PLA2G2F: variants seen among roughly 807,000 people sequenced by gnomAD.
PLA2G2F encodes phospholipase A2 group IIF.
Under a neutral mutation model 15.9 loss-of-function variants are expected in PLA2G2F, and 17 were observed. The ratio of observed to expected loss-of-function variants is 1.07; its 90% CI spans 0.73 to 1.60. PLA2G2F has a LOEUF of 1.60. Ranked by LOEUF, PLA2G2F falls within the 40% of genes most tolerant of loss-of-function variation. The pLI, the probability that PLA2G2F is intolerant of heterozygous loss-of-function variation, is 0.00. For missense variants in PLA2G2F, 299 were observed against 278.2 expected (o/e 1.07, Z -0.53); for synonymous variants, 119 against 106.5 (o/e 1.12, Z -0.72).
In PLA2G2F at chr1:20,148,443, C is replaced by A; in HGVS notation, c.*42C>A. On this transcript the variant is annotated 3_prime_UTR_variant, in exon 5 of 5. Coordinates refer to ENST00000375102, the MANE Select transcript of PLA2G2F (RefSeq NM_022819.4). ...GAGAGAGAGCGGGAGGAGGGTCTGG[C>A]TTGGGGACCAGACGAGGTGCAGGGA... 1 of 1,535,786 alleles carries A rather than the reference C, an allele frequency of 6.5e-7. No individual in the cohort carries two copies. Among genetic ancestry groups the A allele is most frequent in the Non-Finnish European group, 9.0e-7 (1 of 1,113,140 alleles).
chr1:20,145,398 C>T (rs1404270822), intron 4 of PLA2G2F, among the ~76,000 whole-genome samples: 1 of 151,536 alleles, frequency 6.6e-6, no homozygotes, highest in Non-Finnish European at 1.5e-5. Flanking sequence ...TCTCCTGCTT[C>T]AGCCTCCCAA....
chr1:20,139,585 G>T, intron 1 of PLA2G2F, 42 bp downstream of exon 1: 1 of 1,389,920 alleles, frequency 7.2e-7, no homozygotes, highest in Non-Finnish European at 9.7e-7. Context: ...CCAGGGAGGG[G>T]CAGGGACAGG....
intron 4 of PLA2G2F, among the ~76,000 whole-genome samples, chr1:20,145,197 T>C (rs1177535329): frequency 2.0e-5 from 3 of 152,196 alleles, no homozygotes; most frequent in Non-Finnish European, 4.4e-5. Context: ...ATGGGACATA[T>C]TGATACTCAA....
chr1:20,140,371 C>A, intron 2 of PLA2G2F, 153 bp downstream of exon 2: 1 of 778,392 alleles, frequency 1.3e-6, no homozygotes, highest in Non-Finnish European at 2.0e-6. Flanking sequence ...AGGCTGCACC[C>A]AATTCTGGGG....
In PLA2G2F at chr1:20,143,594, G is replaced by T; in HGVS notation, c.314+4G>T. On this transcript the variant is annotated splice_donor_region_variant and intron_variant, in intron 3 of 4. Coordinates refer to ENST00000375102, the MANE Select transcript of PLA2G2F (RefSeq NM_022819.4). Reference sequence around the variant, plus strand: ...AGCCCAAGGATGAGGTGGACTGGTAGGTACCAGAGGCCTGGGCTCCTGTCA... The same window carrying T: ...AGCCCAAGGATGAGGTGGACTGGTATGTACCAGAGGCCTGGGCTCCTGTCA... The T allele has an allele frequency of 6.2e-7, 1 of 1,613,250 alleles. No individual in the cohort carries two copies. The highest frequency in any genetic ancestry group is 8.5e-7 in the Non-Finnish European group (1 of 1,179,404).
chr1:20,140,317 G>A (rs2017433103), intron 2 of PLA2G2F, 99 bp downstream of exon 2: 1 of 1,310,990 alleles, frequency 7.6e-7, no homozygotes, highest in Non-Finnish European at 1.1e-6. Context: ...ACCAGCCTAG[G>A]TTCCTTCCTG....
intron 2 of PLA2G2F, chr1:20,142,309 C>G (rs1164144413): frequency 6.6e-6 from 1 of 152,342 alleles, no homozygotes; most frequent in Non-Finnish European, 1.5e-5. Context: ...GCAGTCTGGG[C>G]TCTGCCCCCT....
rs374879474 is a variant in PLA2G2F, at chr1:20,144,570, C to T, written c.315-10C>T. The T allele has an allele frequency of 1.1e-5, 17 of 1,600,866 alleles. No homozygotes were observed. Among genetic ancestry groups the T allele is most frequent in the Non-Finnish European group, 1.1e-5 (13 of 1,172,342 alleles). On this transcript the variant is annotated splice_polypyrimidine_tract_variant and intron_variant, in intron 3 of 4. Transcript: ENST00000375102. Reference sequence around the variant, plus strand: ...GCCATGCCTGTCCACTCACCTCTGCCGCTCCCTAGGTGCTGCCACGCCCAC... The same window carrying T: ...GCCATGCCTGTCCACTCACCTCTGCTGCTCCCTAGGTGCTGCCACGCCCAC...
intron 3 of PLA2G2F, 116 bp from the exon 4 acceptor site, chr1:20,144,464 G>A (rs2017543294): frequency 1.3e-6 from 1 of 744,434 alleles, no homozygotes; most frequent in East Asian, 2.7e-5. Flanking sequence ...TCCCTCTCTG[G>A]GCTTCAGTTC....
Position 20,144,568 on chromosome 1 carries a change from G to A in PLA2G2F, c.315-12G>A. The A allele has an allele frequency of 6.3e-7, 1 of 1,599,530 alleles. No homozygotes were observed. The highest frequency in any genetic ancestry group is 8.5e-7 in the Non-Finnish European group (1 of 1,171,574). On this transcript the variant is annotated splice_polypyrimidine_tract_variant and intron_variant, in intron 3 of 4. Transcript: ENST00000375102. Reference sequence around the variant, plus strand: ...CAGCCATGCCTGTCCACTCACCTCTGCCGCTCCCTAGGTGCTGCCACGCCC... The same window carrying A: ...CAGCCATGCCTGTCCACTCACCTCTACCGCTCCCTAGGTGCTGCCACGCCC...
intron 1 of PLA2G2F, 68 bp from the exon 2 acceptor site, chr1:20,140,098 A>G: frequency 6.6e-7 from 1 of 1,526,340 alleles, no homozygotes; most frequent in African/African-American, 1.4e-5. Flanking sequence ...TCAGGAAGGG[A>G]GCAGCAGGTC....
intron 2 of PLA2G2F, chr1:20,140,613 T>G (rs2017438563): frequency 5.1e-6 from 1 of 194,696 alleles, no homozygotes; most frequent in African/African-American, 2.3e-5. Flanking sequence ...GTGTGCAACA[T>G]GCATCCATAA....
Position 20,144,613 on chromosome 1 carries a change from A to T in PLA2G2F, c.348A>T (p.Glu116Asp), listed in dbSNP as rs964712087. Reference protein sequence around the residue: ...CCHAHDCCYQELFDQGCHPYV... With the variant: ...CCHAHDCCYQDLFDQGCHPYV... ...ACGCCCACGACTGCTGCTACCAGGA[A>T]CTCTTTGACCAAGGCTGTCACCCCT... is the stretch of plus-strand genomic sequence containing the variant. The change falls in exon 4 of 5, where the codon GAA becomes GAT. Residue 116 changes from glutamate (E) to aspartate (D), a missense_variant. By Grantham distance (45) the Glu-to-Asp change is conservative. Coordinates refer to ENST00000375102, the MANE Select transcript of PLA2G2F (RefSeq NM_022819.4). 9.3e-6 allele frequency: 15 copies of T among 1,612,040 alleles called. No individual in the cohort carries two copies. The highest frequency in any genetic ancestry group is 1.3e-5 in the Non-Finnish European group (15 of 1,179,272).
rs368567704 is a variant in PLA2G2F, at chr1:20,144,691, T to C, written c.424+2T>C. 134 of 1,593,464 alleles carry C rather than the reference T, an allele frequency of 8.4e-5. No homozygotes were observed. In the East Asian group the frequency reaches 9.4e-4, roughly 11 times the overall value. On this transcript the variant is annotated splice_donor_variant, in intron 4 of 4. Coordinates refer to ENST00000375102, the MANE Select transcript of PLA2G2F (RefSeq NM_022819.4). LOFTEE classifies it high-confidence loss of function. ...AGAACAACACTGAGATAGTCTGCAGTGAGTCCCTCCCCTGTCACCTGGGCC... is the reference window on the plus strand; with the variant it reads ...AGAACAACACTGAGATAGTCTGCAGCGAGTCCCTCCCCTGTCACCTGGGCC...
chr1:20,143,245 A>T lies in PLA2G2F; in HGVS notation c.170-201A>T, dbSNP rs566041960. ...GGCCGCAGGGATGTGGGTGCACACCATACATGGTACCTTGCAGATTTCTTT... is the reference window on the plus strand; with the variant it reads ...GGCCGCAGGGATGTGGGTGCACACCTTACATGGTACCTTGCAGATTTCTTT... On this transcript the variant is annotated intron_variant, in intron 2 of 4. Transcript: ENST00000375102. 84 of 611,934 alleles carry T rather than the reference A, an allele frequency of 1.4e-4. No individual in the cohort carries two copies. In the African/African-American group the frequency reaches 1.4e-3, roughly 10 times the overall value. 37.9% of individuals were successfully genotyped at this position (611,934 alleles called of 1,614,324 possible).
intron 2 of PLA2G2F, 134 bp downstream of exon 2, chr1:20,140,352 C>T (rs2017433894): frequency 1.1e-6 from 1 of 941,324 alleles, no homozygotes; most frequent in East Asian, 2.7e-5. Context: ...CTTCTTGTCT[C>T]AGCCCAGCAG....
In PLA2G2F at chr1:20,146,564, C is replaced by A. The variant is rs1299037654; in HGVS notation, c.425-1626C>A. On this transcript the variant is annotated intron_variant, in intron 4 of 4. Coordinates refer to ENST00000375102, the MANE Select transcript of PLA2G2F (RefSeq NM_022819.4). ...TGCTCCTCTCTGGGAGAGGACTCCC[C>A]CTGGCCCAGCCTGTGGGCAACCACT... 2.6e-5 allele frequency among the ~76,000 whole-genome samples: 4 copies of A among 152,204 alleles called. No homozygotes were observed. In the East Asian group the frequency reaches 5.8e-4, roughly 22 times the overall value.
chr1:20,143,718 C>A, intron 3 of PLA2G2F, 128 bp downstream of exon 3: 1 of 1,206,696 alleles, frequency 8.3e-7, no homozygotes, highest in Non-Finnish European at 1.2e-6. Flanking sequence ...TCTTTGATGA[C>A]TTGGTGACCA....
chr1:20,144,769 G>T (rs1233879601), intron 4 of PLA2G2F, 80 bp downstream of exon 4: 3 of 1,258,648 alleles, frequency 2.4e-6, no homozygotes, highest in Non-Finnish European at 3.4e-6. Flanking sequence ...TGGTGGACAG[G>T]CTTGCCAGAT....
Sources: allele counts gnomAD v4.1 joint callset (sites outside exome capture counted in the v4.1 genomes callset), GRCh38; gene constraint gnomAD v4.1.1; transcripts MANE v1.5; gene names NCBI Gene and HGNC (gene_info 2026-07-23, HGNC 2026-07-21).